The following ZNF507 variants were observed in gnomAD, a reference collection of about 807,000 sequenced individuals.
ZNF507 encodes the protein zinc finger protein 507.
Under a neutral mutation model 80.0 loss-of-function variants are expected in ZNF507, and 29 were observed. That is an observed-to-expected ratio of 0.36 (90% CI 0.27 to 0.49). ZNF507 has a LOEUF of 0.49. ZNF507 is among the 20% of genes least tolerant of loss of function. ZNF507 has a pLI of 0.98. For missense variants in ZNF507, 1,081 were observed against 1,152.2 expected (o/e 0.94, Z 0.90); for synonymous variants, 462 against 422.5 (o/e 1.09, Z -1.15).
chr19:32,355,061 C>G (rs940691198), intron 3 of ZNF507, 104 bp downstream of exon 3: 29 of 1,197,758 alleles, frequency 2.4e-5, no homozygotes, highest in Non-Finnish European at 3.3e-5. Flanking sequence ...GATAAGGAAA[C>G]TGGGTCCCAG....
Position 32,382,755 on chromosome 19 carries a change from G to GC in ZNF507, c.2535dup (p.Ser846GlnfsTer2). 2 of 1,613,828 alleles carry GC rather than the reference G, an allele frequency of 1.2e-6. No homozygotes were observed. Among genetic ancestry groups the GC allele is most frequent in the Non-Finnish European group, 1.7e-6 (2 of 1,179,898 alleles). On this transcript the variant is annotated frameshift_variant, in exon 7 of 7. Coordinates refer to ENST00000355898, the MANE Select transcript of ZNF507 (RefSeq NM_001136156.2). LOFTEE classifies it high-confidence loss of function. ...TCCCCTGGAAAGACTCAATTAAAGA[G>GC]CAGTGAAGAGAGTGCAGATCCCGTC...
At position 32,385,368 on chromosome 19, in the gene ZNF507, TAGG is replaced by T. The variant is rs1568311922; in HGVS notation, c.*2290_*2292del. 6.6e-6 allele frequency: 1 copy of T among 152,166 alleles called. No homozygotes were observed. The highest frequency in any genetic ancestry group is 6.5e-5 in the Admixed American group (1 of 15,276). The allele number at this position is 152,166 out of a possible 1,614,324, so 9.4% of individuals were successfully genotyped here. On this transcript the variant is annotated 3_prime_UTR_variant, in exon 7 of 7. Coordinates refer to ENST00000355898, the MANE Select transcript of ZNF507 (RefSeq NM_001136156.2). Reference sequence around the variant, plus strand: ...TCCTTAAAAGCTTTCTCCTGGCCGATAGGAGGAAGCATATATCAAGGAGGTTCT... The same window carrying T: ...TCCTTAAAAGCTTTCTCCTGGCCGATAGGAAGCATATATCAAGGAGGTTCT...
Position 32,352,917 on chromosome 19 carries a change from T to G in ZNF507, c.87T>G (p.Pro29=). Residue 29 remains proline (P), a synonymous_variant, in exon 3 of 7, where the codon CCT becomes CCG. Transcript: ENST00000355898. ...AILTAESIIS[P]SLEIDEQRKT... is the part of the protein sequence containing the mutation. ...TGACTGCTGAAAGTATCATCAGTCC[T>G]TCATTGGAAATTGATGAACAAAGAA... 6.2e-7 allele frequency: 1 copy of G among 1,614,084 alleles called. No homozygotes were observed. Among genetic ancestry groups the G allele is most frequent in the Non-Finnish European group, 8.5e-7 (1 of 1,179,992 alleles).
chr19:32,350,299 G>A (rs12460071), intron 2 of ZNF507, among the ~76,000 whole-genome samples: 9,229 of 149,818 alleles, frequency 0.062, 530 homozygotes, highest in Admixed American at 0.2. Flanking sequence ...GTTTCCTGAC[G>A]TATTTCATGT....
chr19:32,372,138 T>C (rs1861780), intron 5 of ZNF507, among the ~76,000 whole-genome samples: 29,980 of 152,068 alleles, frequency 0.2, 3,129 homozygotes, highest in South Asian at 0.28. Flanking sequence ...CCATTGAAAA[T>C]GCATAATTTT....
rs1042690769 is a variant in ZNF507, at chr19:32,352,822, T to G, written c.-2-7T>G. On this transcript the variant is annotated splice_polypyrimidine_tract_variant and splice_region_variant and intron_variant, in intron 2 of 6. Coordinates refer to ENST00000355898, the MANE Select transcript of ZNF507 (RefSeq NM_001136156.2). ...GGTATTTTTCTGTTTTACATTATCC[T>G]TTTTAGATATGGAAGAAAGTAGCAG... 1 of 1,555,634 alleles carries G rather than the reference T, an allele frequency of 6.4e-7. No individual in the cohort carries two copies. The highest frequency in any genetic ancestry group is 1.4e-5 in the African/African-American group (1 of 72,434).
At chr19:32,376,859 C>T (rs555384144) in intron 5 of ZNF507, among the ~76,000 whole-genome samples, 1 of 152,082 alleles carries the variant, frequency 6.6e-6, no homozygotes, top group African/African-American at 2.4e-5. Context: ...ACATGGGTCA[C>T]GTGTCCACTG....
chr19:32,372,534 G>T (rs34847775), intron 5 of ZNF507, among the ~76,000 whole-genome samples: 1 of 151,912 alleles, frequency 6.6e-6, no homozygotes, highest in Non-Finnish European at 1.5e-5. Context: ...TTGAGGGCCT[G>T]GCCCTGGCTT....
rs886138901 is a variant in ZNF507, at chr19:32,386,969, A to G, written c.*3886A>G. 1 of 152,304 alleles carries G rather than the reference A, an allele frequency of 6.6e-6. No homozygotes were observed. Among genetic ancestry groups the G allele is most frequent in the Non-Finnish European group, 1.5e-5 (1 of 68,046 alleles). 9.4% of individuals were successfully genotyped at this position (152,304 alleles called of 1,614,324 possible). ...GCTTCCCAAGAGTTAAATGAAGGTT[A>G]TGATGACTCTTGATAACTTGTTAAT... On this transcript the variant is annotated 3_prime_UTR_variant, in exon 7 of 7. Transcript: ENST00000355898.
chr19:32,383,776 G>A lies in ZNF507; in HGVS notation c.*693G>A, dbSNP rs1257051807. ...GATGAATTTCTTGTGAGCAGAGGAC[G>A]AAACAGGTGAATTCTCACCAGACTC... is the stretch of plus-strand genomic sequence containing the variant. On this transcript the variant is annotated 3_prime_UTR_variant, in exon 7 of 7. Transcript: ENST00000355898. 1 of 152,210 alleles carries A rather than the reference G, an allele frequency of 6.6e-6. No homozygotes were observed. Among genetic ancestry groups the A allele is most frequent in the Non-Finnish European group, 1.5e-5 (1 of 68,044 alleles). The allele number at this position is 152,210 out of a possible 1,614,324, so 9.4% of individuals were successfully genotyped here. A position where few individuals can be genotyped will look rare whatever the true frequency, so the allele number is the denominator to read the frequency against.
At chr19:32,366,068 C>T (rs1165423949) in intron 5 of ZNF507, among the ~76,000 whole-genome samples, 2 of 151,904 alleles carry the variant, frequency 1.3e-5, no homozygotes, top group African/African-American at 4.8e-5. Flanking sequence ...TTTTAATACC[C>T]AGTCCAAAAA....
chr19:32,366,589 A>G (rs1967402142), intron 5 of ZNF507, among the ~76,000 whole-genome samples: 2 of 152,196 alleles, frequency 1.3e-5, no homozygotes, highest in Non-Finnish European at 2.9e-5. Context: ...AGACCACCGC[A>G]ATTTATTCAT....
chr19:32,371,798 C>T (rs564528765), intron 5 of ZNF507, among the ~76,000 whole-genome samples: 1 of 151,986 alleles, frequency 6.6e-6, no homozygotes, highest in South Asian at 2.1e-4. Context: ...CGCTACCATA[C>T]CTGGCTAATT....
chr19:32,375,980 T>C (rs981693190), intron 5 of ZNF507, among the ~76,000 whole-genome samples: 1 of 152,226 alleles, frequency 6.6e-6, no homozygotes, highest in African/African-American at 2.4e-5. Context: ...AAGCTTTAAG[T>C]GCCTAAGATT....
chr19:32,354,785 A>G lies in ZNF507; in HGVS notation c.1955A>G (p.Asn652Ser), dbSNP rs572034604. The change falls in exon 3 of 7, where the codon AAC becomes AGC. Residue 652 changes from asparagine to serine, a missense_variant. Physicochemically the swap from Asn to Ser is conservative, Grantham distance 46. Transcript: ENST00000355898. Reference sequence around the variant, plus strand: ...CGCCTGTGTCACTACACAAGTGGCAACAAGGGCTACATCAAGCAGCACTTA... The same window carrying G: ...CGCCTGTGTCACTACACAAGTGGCAGCAAGGGCTACATCAAGCAGCACTTA... The part of the protein sequence containing the change: ...RCRLCHYTSG[N>S]KGYIKQHLRV... 3.7e-6 allele frequency: 6 copies of G among 1,614,204 alleles called. No individual in the cohort carries two copies. Among genetic ancestry groups the G allele is most frequent in the African/African-American group, 2.7e-5 (2 of 75,050 alleles).
At chr19:32,380,990 A>G (rs1967615441) in intron 5 of ZNF507, among the ~76,000 whole-genome samples, 1 of 152,176 alleles carries the variant, frequency 6.6e-6, no homozygotes, top group Non-Finnish European at 1.5e-5. Flanking sequence ...CATAATTGCA[A>G]AAAACTGGAA....
intron 5 of ZNF507, among the ~76,000 whole-genome samples, chr19:32,361,687 CTTCCT>C (rs1440511126): frequency 4.3e-4 from 9 of 20,690 alleles, no homozygotes; most frequent in Non-Finnish European, 6.4e-4. Flanking sequence ...CCTTTCCTTC[CTTCCT>C]TTCCTTCCTT....
At position 32,354,125 on chromosome 19, in the gene ZNF507, A is replaced by G. The variant is rs762028788; in HGVS notation, c.1295A>G (p.Gln432Arg). Reference protein sequence around the residue: ...EGKDLSLTEAQIGREGMDDVY... With the variant: ...EGKDLSLTEARIGREGMDDVY... ...AAGGACCTGAGCCTGACAGAAGCTC[A>G]GATTGGGCGCGAAGGAATGGATGAT... The change falls in exon 3 of 7, where the codon CAG becomes CGG. Residue 432 changes from glutamine (Q) to arginine (R), a missense_variant. Transcript: ENST00000355898. 2.5e-6 allele frequency: 4 copies of G among 1,613,438 alleles called. No homozygotes were observed. Among genetic ancestry groups the G allele is most frequent in the African/African-American group, 1.3e-5 (1 of 74,916 alleles).
intron 5 of ZNF507, among the ~76,000 whole-genome samples, chr19:32,379,886 C>A (rs370227568): frequency 9.2e-5 from 14 of 151,888 alleles, no homozygotes; most frequent in African/African-American, 3.4e-4. Flanking sequence ...GGGTTGTATC[C>A]TTTTTTGGTG....
Sources: allele counts gnomAD v4.1 joint callset (sites outside exome capture counted in the v4.1 genomes callset), GRCh38; gene constraint gnomAD v4.1.1; transcripts MANE v1.5; gene names NCBI Gene and HGNC (gene_info 2026-07-23, HGNC 2026-07-21).